Variants in KCNQ5 observed in about 807,000 individuals in gnomAD.
KCNQ5 encodes the protein potassium voltage-gated channel subfamily KQT member 5.
KCNQ5 carries 30 observed loss-of-function variants against 98.2 expected under a neutral mutation model. That is an observed-to-expected ratio of 0.31 (90% confidence interval 0.23 to 0.41). The LOEUF is 0.41. KCNQ5 is among the 10% of genes least tolerant of loss of function. The pLI, the probability that KCNQ5 is intolerant of heterozygous loss-of-function variation, is 1.00. For synonymous variants in KCNQ5, 458 were observed against 449.4 expected, an observed-to-expected ratio of 1.02 and a Z score of -0.24; for missense variants, 835 against 1,182.5, an observed-to-expected ratio of 0.71 and a Z score of 4.31.
intron 2 of KCNQ5, among the ~76,000 whole-genome samples, chr6:73,026,903 A>G (rs1045565041): frequency 6.6e-6 from 1 of 152,132 alleles, no homozygotes; most frequent in Non-Finnish European, 1.5e-5. Flanking sequence ...CACATTCCAT[A>G]AATGGCAGAC....
chr6:72,979,281 A>T (rs1040313185), intron 1 of KCNQ5, among the ~76,000 whole-genome samples: 2 of 152,030 alleles, frequency 1.3e-5, no homozygotes, highest in African/African-American at 4.8e-5. Context: ...GAACTAATTT[A>T]CTCCCACCAA....
chr6:73,027,377 C>A (rs986283196), intron 2 of KCNQ5, among the ~76,000 whole-genome samples: 4 of 152,078 alleles, frequency 2.6e-5, no homozygotes, highest in Non-Finnish European at 4.4e-5. Flanking sequence ...CACGTATTTG[C>A]ATAGTAATTT....
intron 10 of KCNQ5, chr6:73,158,276 T>G (rs6926608): frequency 0.092 from 17,490 of 189,208 alleles, 2,336 homozygotes; most frequent in African/African-American, 0.3. Flanking sequence ...TTTTTTTTTT[T>G]TTTTTTTGTG....
chr6:72,708,613 A>T (rs572613606), intron 1 of KCNQ5, among the ~76,000 whole-genome samples: 2 of 152,108 alleles, frequency 1.3e-5, no homozygotes, highest in East Asian at 3.9e-4. Flanking sequence ...CCTCTGCCTC[A>T]TGGGCTCAAG....
intron 1 of KCNQ5, among the ~76,000 whole-genome samples, chr6:72,734,815 G>A (rs940616467): frequency 1.3e-5 from 2 of 152,120 alleles, no homozygotes; most frequent in Non-Finnish European, 2.9e-5. Context: ...TTTAGGCCCT[G>A]TAGTAACAGA....
chr6:72,969,546 A>C (rs1235630518), intron 1 of KCNQ5, among the ~76,000 whole-genome samples: 1 of 152,042 alleles, frequency 6.6e-6, no homozygotes, highest in Non-Finnish European at 1.5e-5. Flanking sequence ...AACATTCCCA[A>C]CTTGTATCAG....
intron 1 of KCNQ5, among the ~76,000 whole-genome samples, chr6:72,905,095 T>C (rs1033541475): frequency 2.0e-5 from 3 of 152,298 alleles, no homozygotes; most frequent in Middle Eastern, 3.4e-3. Flanking sequence ...TTTGTCTTTG[T>C]TGGATTGGGT....
chr6:72,747,084 AG>A (rs1187495825), intron 1 of KCNQ5, among the ~76,000 whole-genome samples: 1 of 152,140 alleles, frequency 6.6e-6, no homozygotes, highest in Non-Finnish European at 1.5e-5. Context: ...GAATTTGGAT[AG>A]GAAAAAAAAT....
intron 2 of KCNQ5, among the ~76,000 whole-genome samples, chr6:73,030,228 C>T (rs1771078627): frequency 6.6e-6 from 1 of 152,038 alleles, no homozygotes; most frequent in African/African-American, 2.4e-5. Flanking sequence ...GGATAGTTAA[C>T]TTCTTTATGT....
At chr6:72,963,654 T>C (rs1767477573) in intron 1 of KCNQ5, among the ~76,000 whole-genome samples, 1 of 151,936 alleles carries the variant, frequency 6.6e-6, no homozygotes, top group Non-Finnish European at 1.5e-5. Context: ...ACAGCTTTTA[T>C]TTTATTTATT....
intron 1 of KCNQ5, among the ~76,000 whole-genome samples, chr6:72,709,519 G>A (rs982767561): frequency 1.3e-5 from 2 of 152,150 alleles, no homozygotes; most frequent in African/African-American, 4.8e-5. Context: ...TAAACTGAGG[G>A]TATACCCCTG....
chr6:73,145,198 C>T (rs983835439), intron 10 of KCNQ5, among the ~76,000 whole-genome samples: 2 of 152,158 alleles, frequency 1.3e-5, no homozygotes, highest in Admixed American at 6.5e-5. Context: ...CCTCATGTAT[C>T]GAGGCATTGG....
At chr6:72,704,283 G>T (rs552680526) in intron 1 of KCNQ5, among the ~76,000 whole-genome samples, 6 of 151,940 alleles carry the variant, frequency 3.9e-5, no homozygotes, top group Non-Finnish European at 8.8e-5. Context: ...ATTCATTTTT[G>T]AAAATTATTT....
intron 3 of KCNQ5, among the ~76,000 whole-genome samples, chr6:73,050,823 A>G (rs1381501691): frequency 6.6e-6 from 1 of 152,222 alleles, no homozygotes; most frequent in African/African-American, 2.4e-5. Flanking sequence ...TGTTATATAA[A>G]TGAAATTGTA....
chr6:72,710,750 A>G (rs78969846), intron 1 of KCNQ5, among the ~76,000 whole-genome samples: 15,920 of 152,198 alleles, frequency 0.1, 1,481 homozygotes, highest in African/African-American at 0.25. Flanking sequence ...AGTGGGGGAC[A>G]TCAATACCCC....
chr6:72,850,556 C>A (rs531091381), intron 1 of KCNQ5, among the ~76,000 whole-genome samples: 2 of 152,178 alleles, frequency 1.3e-5, no homozygotes, highest in Non-Finnish European at 2.9e-5. Flanking sequence ...GAATAATAAT[C>A]TTTCACACTT....
intron 1 of KCNQ5, among the ~76,000 whole-genome samples, chr6:72,918,404 T>C (rs1304974140): frequency 1.3e-5 from 2 of 151,936 alleles, no homozygotes; most frequent in African/African-American, 4.8e-5. Flanking sequence ...GACAATTTGG[T>C]TTATATTAAT....
intron 9 of KCNQ5, among the ~76,000 whole-genome samples, chr6:73,124,956 T>TAC (rs1775897992): frequency 1.0e-4 from 1 of 9,660 alleles, no homozygotes; most frequent in Non-Finnish European, 2.0e-4. Flanking sequence ...TATATATATA[T>TAC]ATATATATAT....
intron 3 of KCNQ5, among the ~76,000 whole-genome samples, chr6:73,044,233 T>C (rs905205871): frequency 6.6e-6 from 1 of 152,212 alleles, no homozygotes; most frequent in Non-Finnish European, 1.5e-5. Flanking sequence ...TGAGCCATGT[T>C]CCTGCCACTA....
Sources: gnomAD v4.1 joint callset for allele counts (sites outside exome capture counted in the v4.1 genomes callset) on GRCh38, gnomAD v4.1.1 for gene constraint, MANE v1.5 for transcripts, NCBI Gene and HGNC (gene_info 2026-07-23, HGNC 2026-07-21) for gene names.